Variants in NAMPT observed in about 807,000 individuals in gnomAD.
NAMPT encodes NAmPRTase.
A neutral mutation model predicts 58.7 loss-of-function variants in NAMPT; 7 were observed. That is an observed-to-expected ratio of 0.12 (90% CI 0.07 to 0.22). The LOEUF is 0.22. NAMPT is among the 10% of genes least tolerant of loss of function. The pLI is 1.00. For missense variants in NAMPT, 271 were observed against 567.9 expected (o/e 0.48, Z 5.31); for synonymous variants, 145 against 198.1 (o/e 0.73, Z 2.25).
At chr7:106,263,356 G>A (rs377060090) in intron 7 of NAMPT, 36 bp downstream of exon 7, 3 of 1,447,086 alleles carry the variant, frequency 2.1e-6, no homozygotes, top group South Asian at 1.1e-5. Flanking sequence ...GGCCTACAGA[G>A]GGATTCTAAT....
chr7:106,252,929 A>G, intron 10 of NAMPT, 88 bp downstream of exon 10: 1 of 1,473,418 alleles, frequency 6.8e-7, no homozygotes, highest in Non-Finnish European at 9.2e-7. Flanking sequence ...GTCTTCCACA[A>G]AAACAATAAC....
chr7:106,284,727 C>T, intron 1 of NAMPT, 101 bp downstream of exon 1: 1 of 714,862 alleles, frequency 1.4e-6, no homozygotes, highest in Non-Finnish European at 1.9e-6. Flanking sequence ...CTAGCCCCAG[C>T]CCCAGCCCCA....
At position 106,248,405 on chromosome 7, in the gene NAMPT, C is replaced by T. The variant is rs1792052645; in HGVS notation, c.*2678G>A. The T allele has an allele frequency of 2.0e-5, 3 of 152,542 alleles. No homozygotes were observed. The highest frequency in any genetic ancestry group is 3.4e-3 in the Middle Eastern group (1 of 294). The allele number at this position is 152,542 out of a possible 1,614,324, so 9.4% of individuals were successfully genotyped here. A position where few individuals can be genotyped will look rare whatever the true frequency, so the allele number is the denominator to read the frequency against. ...AACTTGGGAGAAAAGCTGACATTCT[C>T]CACTGAATGGGTTAAAAAGGAATGT... On this transcript the variant is annotated 3_prime_UTR_variant, in exon 11 of 11. Coordinates refer to ENST00000222553, the MANE Select transcript of NAMPT (RefSeq NM_005746.3).
intron 1 of NAMPT, 103 bp from the exon 2 acceptor site, chr7:106,277,282 C>T: frequency 1.0e-6 from 1 of 994,254 alleles, no homozygotes; most frequent in South Asian, 1.7e-5. Context: ...AACTATATTT[C>T]TTGTTTGCTA....
chr7:106,267,832 C>T (rs1019690194), intron 6 of NAMPT, among the ~76,000 whole-genome samples: 2 of 29,472 alleles, frequency 6.8e-5, no homozygotes, highest in African/African-American at 1.8e-4. Context: ...CAGAGCGAGA[C>T]TCCGTCTCAA....
intron 2 of NAMPT, 74 bp from the exon 3 acceptor site, chr7:106,275,123 A>T: frequency 3.3e-6 from 3 of 912,142 alleles, no homozygotes; most frequent in Non-Finnish European, 5.2e-6. Flanking sequence ...CACAGACTTA[A>T]TATCTTTGGC....
intron 9 of NAMPT, chr7:106,253,726 AG>A (rs1792144530): frequency 6.5e-6 from 1 of 153,660 alleles, no homozygotes; most frequent in African/African-American, 2.4e-5. Context: ...GCAAAGAAAC[AG>A]AAACAAGTGG....
chr7:106,258,554 A>C (rs573678346), intron 8 of NAMPT, among the ~76,000 whole-genome samples: 1 of 152,186 alleles, frequency 6.6e-6, no homozygotes, highest in Non-Finnish European at 1.5e-5. Context: ...CGAGGCAAAA[A>C]TTTTAAGACA....
chr7:106,264,380 T>C (rs1792370210), intron 6 of NAMPT, among the ~76,000 whole-genome samples: 3 of 152,074 alleles, frequency 2.0e-5, no homozygotes, highest in Non-Finnish European at 4.4e-5. Context: ...CGGGATAGAT[T>C]TGTATTCAAT....
intron 1 of NAMPT, 36 bp downstream of exon 1, chr7:106,284,792 C>G (rs550785343): frequency 6.8e-7 from 1 of 1,463,812 alleles, no homozygotes; most frequent in Admixed American, 2.1e-5. Context: ...CCAGCGCGCC[C>G]CGCTCCTCCT....
intron 6 of NAMPT, among the ~76,000 whole-genome samples, chr7:106,267,494 A>C (rs77991235): frequency 6.6e-6 from 1 of 152,178 alleles, no homozygotes; most frequent in Non-Finnish European, 1.5e-5. Context: ...CCTAATGATT[A>C]TAGTAAATAA....
At chr7:106,280,675 C>T (rs370375328) in intron 1 of NAMPT, among the ~76,000 whole-genome samples, 1 of 152,134 alleles carries the variant, frequency 6.6e-6, no homozygotes, top group East Asian at 1.9e-4. Context: ...GGCACGGTGG[C>T]TCATGCCTGT....
intron 8 of NAMPT, among the ~76,000 whole-genome samples, chr7:106,261,038 C>T (rs1792292683): frequency 6.6e-6 from 1 of 152,180 alleles, no homozygotes; most frequent in African/African-American, 2.4e-5. Context: ...CAGACTTGCT[C>T]AACACAGGGT....
At chr7:106,275,163 T>A (rs969379608) in intron 2 of NAMPT, 114 bp from the exon 3 acceptor site, 1 of 602,316 alleles carries the variant, frequency 1.7e-6, no homozygotes, top group Non-Finnish European at 2.9e-6. Flanking sequence ...ATTAAAAATA[T>A]AACTAAGAGG....
At chr7:106,284,750 GCCGCCC>G in intron 1 of NAMPT, 72 bp downstream of exon 1, 1 of 145,548 alleles carries the variant, frequency 6.9e-6, no homozygotes, top group Non-Finnish European at 1.2e-5. Flanking sequence ...CCCAGCCCCA[GCCGCCC>G]CCGCCCCCCT....
intron 1 of NAMPT, among the ~76,000 whole-genome samples, chr7:106,282,924 T>A (rs1488206273): frequency 1.3e-5 from 2 of 152,208 alleles, no homozygotes; most frequent in African/African-American, 4.8e-5. Flanking sequence ...AGATTATCAT[T>A]TTTGTCCTTT....
chr7:106,277,757 C>G (rs553363793), intron 1 of NAMPT, among the ~76,000 whole-genome samples: 1 of 152,228 alleles, frequency 6.6e-6, no homozygotes, highest in South Asian at 2.1e-4. Context: ...TGTCAAATCA[C>G]CCACCTAACT....
chr7:106,259,313 AAT>A (rs1316464873), intron 8 of NAMPT, among the ~76,000 whole-genome samples: 1 of 152,208 alleles, frequency 6.6e-6, no homozygotes, highest in Non-Finnish European at 1.5e-5. Flanking sequence ...TGAAGGTTGG[AAT>A]CAATTTCTTC....
At chr7:106,267,872 A>C (rs866421702) in intron 6 of NAMPT, among the ~76,000 whole-genome samples, 4,557 of 136,232 alleles carry the variant, frequency 0.033, 422 homozygotes, top group African/African-American at 0.12. Context: ...AAAAAAAAAA[A>C]AAAACAACCT....
Sources: allele counts gnomAD v4.1 joint callset (sites outside exome capture counted in the v4.1 genomes callset), GRCh38; gene constraint gnomAD v4.1.1; transcripts MANE v1.5; gene names NCBI Gene and HGNC (gene_info 2026-07-23, HGNC 2026-07-21).